The following CADM2 variants were observed in gnomAD, a reference collection of about 807,000 sequenced individuals.
The protein encoded by CADM2 is cell adhesion molecule 2.
A neutral mutation model predicts 49.8 loss-of-function variants in CADM2; 12 were observed. The observed-to-expected ratio is 0.24, with a 90% CI of 0.15 to 0.39. The LOEUF is 0.39. Among genes scored for constraint, CADM2 ranks in the 10% least tolerant of loss-of-function variants. The pLI, the probability that CADM2 is intolerant of heterozygous loss-of-function variation, is 1.00. For missense variants in CADM2, 378 were observed against 492.3 expected (o/e 0.77, Z 2.20); for synonymous variants, 214 against 175.4 (o/e 1.22, Z -1.74).
At chr3:85,963,827 G>T (rs375889625) in intron 8 of CADM2, among the ~76,000 whole-genome samples, 4 of 151,796 alleles carry the variant, frequency 2.6e-5, no homozygotes, top group East Asian at 3.9e-4. Context: ...CACTTTGTGA[G>T]AAGTCATTTT....
intron 2 of CADM2, among the ~76,000 whole-genome samples, chr3:85,754,842 A>G (rs1302335100): frequency 1.3e-5 from 2 of 152,200 alleles, no homozygotes; most frequent in Non-Finnish European, 2.9e-5. Context: ...AAAAAATACC[A>G]CCATAGAGTA....
At chr3:85,413,196 C>A (rs1342937134) in intron 1 of CADM2, among the ~76,000 whole-genome samples, 3 of 143,466 alleles carry the variant, frequency 2.1e-5, no homozygotes, top group Admixed American at 7.0e-5. Flanking sequence ...ACACTGGAAG[C>A]TTTCTGACCC....
chr3:84,966,981 A>G (rs1010424116), intron 1 of CADM2, among the ~76,000 whole-genome samples: 1 of 152,052 alleles, frequency 6.6e-6, no homozygotes, highest in African/African-American at 2.4e-5. Context: ...AGTGCAAATA[A>G]TTTCACATTA....
At chr3:85,320,827 G>A (rs939693963) in intron 1 of CADM2, among the ~76,000 whole-genome samples, 1 of 151,302 alleles carries the variant, frequency 6.6e-6, no homozygotes, top group Non-Finnish European at 1.5e-5. Flanking sequence ...TTATCACATT[G>A]ATTACTGCAT....
chr3:85,124,621 A>C (rs2038967704), intron 1 of CADM2, among the ~76,000 whole-genome samples: 1 of 152,100 alleles, frequency 6.6e-6, no homozygotes, highest in Non-Finnish European at 1.5e-5. Context: ...CAAACTAACT[A>C]ACAAACAAAA....
intron 1 of CADM2, among the ~76,000 whole-genome samples, chr3:85,219,395 A>G (rs564741082): frequency 1.5e-4 from 23 of 152,294 alleles, no homozygotes; most frequent in African/African-American, 5.1e-4. Flanking sequence ...GTTCACTTCA[A>G]AACTGTTAAA....
At chr3:85,942,885 T>G (rs1262432302) in intron 7 of CADM2, among the ~76,000 whole-genome samples, 1 of 152,084 alleles carries the variant, frequency 6.6e-6, no homozygotes, top group Non-Finnish European at 1.5e-5. Flanking sequence ...GTATTTCCAG[T>G]TCTAGATCCC....
chr3:85,640,730 G>A (rs1333122927), intron 1 of CADM2, among the ~76,000 whole-genome samples: 2 of 152,154 alleles, frequency 1.3e-5, no homozygotes, highest in African/African-American at 4.8e-5. Context: ...CAGGTTAAAC[G>A]TCATTCTGTT....
intron 1 of CADM2, among the ~76,000 whole-genome samples, chr3:85,400,365 G>A (rs1213324908): frequency 6.6e-6 from 1 of 152,154 alleles, no homozygotes. Context: ...ATTTTACTGA[G>A]GATTTTTGCA....
intron 1 of CADM2, among the ~76,000 whole-genome samples, chr3:85,566,477 G>T (rs192808737): frequency 6.6e-6 from 1 of 152,034 alleles, no homozygotes; most frequent in South Asian, 2.1e-4. Context: ...ATGCCTTGTT[G>T]AGCACTGTTT....
intron 3 of CADM2, among the ~76,000 whole-genome samples, chr3:85,834,257 T>C (rs2074309593): frequency 6.6e-6 from 1 of 151,646 alleles, no homozygotes; most frequent in Admixed American, 6.6e-5. Context: ...TTCATAGTGT[T>C]ATGTTACCTG....
At chr3:85,272,190 A>C (rs1470797) in intron 1 of CADM2, among the ~76,000 whole-genome samples, 62,006 of 150,928 alleles carry the variant, frequency 0.41, 14,581 homozygotes, top group Admixed American at 0.56. Flanking sequence ...ATGGAATGTT[A>C]TTTCCACTTA....
intron 3 of CADM2, among the ~76,000 whole-genome samples, chr3:85,820,903 C>CT (rs1425221754): frequency 1.4e-4 from 21 of 152,068 alleles, no homozygotes; most frequent in Non-Finnish European, 2.6e-4. Context: ...TTTAAATACT[C>CT]TTTTTATTTT....
chr3:86,042,572 T>C (rs1736090504), intron 8 of CADM2, among the ~76,000 whole-genome samples: 1 of 152,208 alleles, frequency 6.6e-6, no homozygotes, highest in Admixed American at 6.5e-5. Context: ...GGCTCTGAAA[T>C]TCAGGCAATA....
At chr3:85,752,171 AAGAGAGAATAGTGT>A (rs1188841814) in intron 2 of CADM2, among the ~76,000 whole-genome samples, 1 of 152,118 alleles carries the variant, frequency 6.6e-6, no homozygotes, top group Non-Finnish European at 1.5e-5. Context: ...CAAGATAAGA[AAGAGAGAATAGTGT>A]AGAGAGAGCC....
chr3:85,973,625 A>T (rs1007931865), intron 8 of CADM2, among the ~76,000 whole-genome samples: 7 of 151,904 alleles, frequency 4.6e-5, no homozygotes, highest in African/African-American at 1.7e-4. Flanking sequence ...TATTAAAAAG[A>T]GCTAAAATAA....
rs200463810 is a variant in CADM2, at chr3:85,559,689, T to C, written c.62-166833T>C. 3.4e-3 allele frequency among the ~76,000 whole-genome samples: 163 copies of C among 47,390 alleles called. 1 individual carries two copies. Among genetic ancestry groups the C allele is most frequent in the African/African-American group, 7.3e-3 (149 of 20,404 alleles). 31.1% of individuals were successfully genotyped at this position (47,390 alleles called of 152,430 possible). On this transcript the variant is annotated intron_variant, in intron 1 of 9. Coordinates refer to ENST00000383699, the MANE Select transcript of CADM2 (RefSeq NM_001167675.2). ...ACACACACACACACACACACACACATATATATATATCACTTTTTAAAAATA... is the reference window on the plus strand; with the variant it reads ...ACACACACACACACACACACACACACATATATATATCACTTTTTAAAAATA...
At chr3:85,569,219 C>CT (rs371449688) in intron 1 of CADM2, among the ~76,000 whole-genome samples, 1,795 of 151,474 alleles carry the variant, frequency 0.012, 38 homozygotes, top group African/African-American at 0.041. Context: ...CTTTTAGATT[C>CT]TTTTTTTTTC....
In CADM2 at chr3:85,326,518, C is replaced by T. The variant is rs187099679; in HGVS notation, c.61+366850C>T. On this transcript the variant is annotated intron_variant, in intron 1 of 9. Coordinates refer to ENST00000383699, the MANE Select transcript of CADM2 (RefSeq NM_001167675.2). ...ACACAGTATAGATTAAATCTATAAA[C>T]GTATGTATTTTTTCAAAATGTTCAA... 3.0e-3 allele frequency among the ~76,000 whole-genome samples: 456 copies of T among 151,500 alleles called. 3 individuals carry two copies. Among genetic ancestry groups the T allele is most frequent in the Non-Finnish European group, 4.8e-3 (328 of 67,886 alleles).
Sources: gnomAD v4.1 joint callset for allele counts (sites outside exome capture counted in the v4.1 genomes callset) on GRCh38, gnomAD v4.1.1 for gene constraint, MANE v1.5 for transcripts, NCBI Gene and HGNC (gene_info 2026-07-23, HGNC 2026-07-21) for gene names.